The following STXBP3 variants were observed in gnomAD, a reference collection of about 807,000 sequenced individuals.
STXBP3 encodes syntaxin-binding protein 3.
STXBP3 carries 41 observed loss-of-function variants against 85.7 expected under a neutral mutation model. The observed-to-expected ratio is 0.48, with a 90% confidence interval of 0.37 to 0.62. The LOEUF (loss-of-function observed/expected upper bound fraction) is 0.62. Ranked by LOEUF, STXBP3 falls within the 20% of genes least tolerant of loss-of-function variation. The pLI, the probability that STXBP3 is intolerant of heterozygous loss-of-function variation, is 0.00. For synonymous variants in STXBP3, 229 were observed against 231.7 expected (o/e 0.99, Z 0.10); for missense variants, 563 against 703.1 (o/e 0.80, Z 2.25).
intron 6 of STXBP3, among the ~76,000 whole-genome samples, chr1:108,770,383 G>A (rs1662359004): frequency 6.6e-6 from 1 of 152,114 alleles, no homozygotes; most frequent in Admixed American, 6.5e-5. Flanking sequence ...GCGGCCGTGC[G>A]ATAAATGTTT....
chr1:108,758,584 T>G lies in STXBP3; in HGVS notation c.333T>G (p.Thr111=), dbSNP rs746950573. 1 of 1,497,406 alleles carries G rather than the reference T, an allele frequency of 6.7e-7. No individual in the cohort carries two copies. The highest frequency in any genetic ancestry group is 2.0e-5 in the Admixed American group (1 of 50,008). The allele number at this position is 1,497,406 out of a possible 1,614,324, so 92.8% of individuals were successfully genotyped here. ...NKYKAAYIYF[T]DFCPDNLFNK... ...ATAAAGCAGCATATATTTACTTCAC[T>G]GACTGTAAGTCTTTTAAAAAGTTAT... Residue 111 remains threonine (T), a synonymous_variant, in exon 5 of 19, where the codon ACT becomes ACG. Coordinates refer to ENST00000370008, the MANE Select transcript of STXBP3 (RefSeq NM_007269.4).
intron 15 of STXBP3, 37 bp downstream of exon 15, chr1:108,796,763 A>ATG (rs763185819): frequency 1.5e-5 from 22 of 1,494,176 alleles, no homozygotes; most frequent in Non-Finnish European, 2.0e-5. Context: ...CTTTATATGT[A>ATG]TGTGTATGTA....
chr1:108,756,813 A>T, intron 4 of STXBP3, 47 bp downstream of exon 4: 1 of 1,407,050 alleles, frequency 7.1e-7, no homozygotes, highest in South Asian at 1.3e-5. Context: ...ATATTTCACC[A>T]TTGTTATGGT....
chr1:108,790,929 AT>A (rs764420120), intron 11 of STXBP3, among the ~76,000 whole-genome samples: 6 of 152,316 alleles, frequency 3.9e-5, no homozygotes, highest in Non-Finnish European at 7.4e-5. Context: ...ACCCAAAAAA[AT>A]AAAAGCAAGA....
At chr1:108,774,022 C>T (rs1485883589) in intron 7 of STXBP3, among the ~76,000 whole-genome samples, 2 of 152,138 alleles carry the variant, frequency 1.3e-5, no homozygotes, top group African/African-American at 2.4e-5. Context: ...TCTCCCGTCC[C>T]TTTTCTTCCC....
chr1:108,763,304 A>G (rs953264484), intron 6 of STXBP3, among the ~76,000 whole-genome samples: 1 of 152,224 alleles, frequency 6.6e-6, no homozygotes, highest in African/African-American at 2.4e-5. Context: ...ACCATTGGAT[A>G]ACCCCTTTTA....
At chr1:108,763,480 A>G (rs567112183) in intron 6 of STXBP3, among the ~76,000 whole-genome samples, 1 of 152,314 alleles carries the variant, frequency 6.6e-6, no homozygotes, top group South Asian at 2.1e-4. Flanking sequence ...ATGATGATAT[A>G]TTTCCAAAAA....
chr1:108,758,640 A>G, intron 5 of STXBP3, 52 bp downstream of exon 5: 1 of 1,096,106 alleles, frequency 9.1e-7, no homozygotes, highest in Non-Finnish European at 1.3e-6. Context: ...CATTGGTTTT[A>G]AACTGTCGAC....
rs1663060129 is a variant in STXBP3 at position 108,794,982 on chromosome 1, T to C, written c.1110+75T>C. 3.7e-6 allele frequency: 5 copies of C among 1,342,590 alleles called. No individual in the cohort carries two copies. The South Asian group carries it at 6.5e-5, about 17-fold the overall frequency. 83.2% of individuals were successfully genotyped at this position (1,342,590 alleles called of 1,614,324 possible). A position where few individuals can be genotyped will look rare whatever the true frequency, so the allele number is the denominator to read the frequency against. The stretch of plus-strand genomic sequence containing the variant: ...AACTTTGTAAGTTAAAACCTAACTT[T>C]TTGCTTGATACAGTGGTTGGTTTTT... On this transcript the variant is annotated intron_variant, in intron 13 of 18. Transcript: ENST00000370008.
intron 16 of STXBP3, among the ~76,000 whole-genome samples, chr1:108,798,502 G>A (rs948558808): frequency 8.4e-5 from 12 of 143,692 alleles, no homozygotes; most frequent in Non-Finnish European, 1.0e-4. Flanking sequence ...TGCAACCTTC[G>A]CCTCCCAGGT....
Position 108,776,353 on chromosome 1 carries a change from G to T in STXBP3, c.614G>T (p.Ser205Ile), listed in dbSNP as rs763490809. The T allele has an allele frequency of 6.8e-6, 11 of 1,607,624 alleles. No homozygotes were observed. The South Asian group carries it at 1.2e-4, about 18-fold the overall frequency. ...TCTAGTAAACCTCTAGATAATGCCA[G>T]TAAGCTTGCACAGCTTGTTGAAAAA... ...RYKSKPLDNA[S>I]KLAQLVEKKL... The change falls in exon 8 of 19, where the codon AGT becomes ATT. Residue 205 changes from serine to isoleucine, a missense_variant. By Grantham distance (142) the Ser-to-Ile change is moderately radical. Coordinates refer to ENST00000370008, the MANE Select transcript of STXBP3 (RefSeq NM_007269.4).
chr1:108,801,962 G>A (rs937781304), intron 17 of STXBP3, among the ~76,000 whole-genome samples: 3 of 152,052 alleles, frequency 2.0e-5, no homozygotes, highest in South Asian at 4.1e-4. Context: ...AGACACTGCA[G>A]CCAGCCCTTT....
intron 6 of STXBP3, among the ~76,000 whole-genome samples, chr1:108,770,990 A>G (rs1414719784): frequency 1.3e-5 from 2 of 152,138 alleles, no homozygotes; most frequent in African/African-American, 2.4e-5. Flanking sequence ...ACATGTATCA[A>G]CTATGGGAGA....
chr1:108,752,748 T>C (rs1661930900), intron 2 of STXBP3, among the ~76,000 whole-genome samples: 1 of 152,246 alleles, frequency 6.6e-6, no homozygotes. Context: ...CTTAAAACAG[T>C]GCTTTGTGCA....
At chr1:108,746,908 G>A (rs1006328106) in intron 1 of STXBP3, 122 bp downstream of exon 1, 14 of 975,958 alleles carry the variant, frequency 1.4e-5, no homozygotes, top group Admixed American at 4.8e-5. Flanking sequence ...GTTGCTTTGG[G>A]ACCTGTGTGA....
At chr1:108,756,328 G>A (rs1662016826) in intron 3 of STXBP3, among the ~76,000 whole-genome samples, 1 of 152,064 alleles carries the variant, frequency 6.6e-6, no homozygotes, top group Non-Finnish European at 1.5e-5. Context: ...CTTCCTAACT[G>A]TGTGATTGGA....
chr1:108,756,599 A>C (rs1043509863), intron 3 of STXBP3, 91 bp from the exon 4 acceptor site: 2 of 638,142 alleles, frequency 3.1e-6, no homozygotes, highest in Non-Finnish European at 2.4e-6. Flanking sequence ...TTTTCATATT[A>C]TTATAAATGG....
At chr1:108,778,067 G>A (rs989193879) in intron 8 of STXBP3, among the ~76,000 whole-genome samples, 1 of 152,094 alleles carries the variant, frequency 6.6e-6, no homozygotes, top group African/African-American at 2.4e-5. Context: ...ATGTGGTCAA[G>A]GCTGGACTCA....
intron 2 of STXBP3, among the ~76,000 whole-genome samples, chr1:108,752,551 G>A (rs2101101813): frequency 6.6e-6 from 1 of 152,184 alleles, no homozygotes; most frequent in South Asian, 2.1e-4. Flanking sequence ...GGATACCGAG[G>A]GATGACTATA....
Sources: gnomAD v4.1 joint callset for allele counts (sites outside exome capture counted in the v4.1 genomes callset) on GRCh38, gnomAD v4.1.1 for gene constraint, MANE v1.5 for transcripts, NCBI Gene and HGNC (gene_info 2026-07-23, HGNC 2026-07-21) for gene names.